VIRMA: variants seen among roughly 807,000 people sequenced by gnomAD.
The protein encoded by VIRMA is vir like m6A methyltransferase associated.
A neutral mutation model predicts 182.4 loss-of-function variants in VIRMA; 65 were observed. The observed-to-expected ratio is 0.36, with a 90% confidence interval of 0.29 to 0.44. The LOEUF (loss-of-function observed/expected upper bound fraction) is 0.44. Ranked by LOEUF, VIRMA falls within the 20% of genes least tolerant of loss-of-function variation. The pLI is 1.00. For missense variants in VIRMA, 1,752 were observed against 2,158.1 expected (o/e 0.81, Z 3.73); for synonymous variants, 709 against 743.1 (o/e 0.95, Z 0.75).
At chr8:94,534,807 T>C (rs751343896) in intron 5 of VIRMA, 32 bp downstream of exon 5, 5 of 1,609,082 alleles carry the variant, frequency 3.1e-6, no homozygotes, top group Non-Finnish European at 4.2e-6. Context: ...GGATATAAGT[T>C]TCACTTGCAA....
chr8:94,511,907 T>C (rs1192578906), intron 12 of VIRMA, 89 bp downstream of exon 12: 1 of 722,234 alleles, frequency 1.4e-6, no homozygotes, highest in South Asian at 4.2e-5. Context: ...ATTAAATAAA[T>C]GATGTTTAAT....
chr8:94,505,550 C>T (rs1175173644), intron 16 of VIRMA, among the ~76,000 whole-genome samples: 1 of 139,756 alleles, frequency 7.2e-6, no homozygotes, highest in Non-Finnish European at 1.6e-5. Context: ...ACTGCAGCGG[C>T]ATGATCACTG....
At chr8:94,493,140 C>A (rs1344664141) in intron 20 of VIRMA, among the ~76,000 whole-genome samples, 1 of 151,876 alleles carries the variant, frequency 6.6e-6, no homozygotes, top group Non-Finnish European at 1.5e-5. Flanking sequence ...TGAACTTTTC[C>A]AAAAAAAGAA....
intron 8 of VIRMA, among the ~76,000 whole-genome samples, chr8:94,520,664 G>T (rs1814729380): frequency 6.6e-6 from 1 of 152,154 alleles, no homozygotes; most frequent in African/African-American, 2.4e-5. Flanking sequence ...AAGAGGATAT[G>T]CATAGGTTAT....
intron 12 of VIRMA, 107 bp from the exon 13 acceptor site, chr8:94,511,836 A>G: frequency 1.4e-6 from 1 of 721,594 alleles, no homozygotes; most frequent in Non-Finnish European, 1.9e-6. Flanking sequence ...TATATTTATA[A>G]TAAATGATTT....
At chr8:94,523,808 T>C (rs1814858796) in intron 8 of VIRMA, among the ~76,000 whole-genome samples, 3 of 151,624 alleles carry the variant, frequency 2.0e-5, no homozygotes, top group Admixed American at 2.0e-4. Context: ...TTTTCTTTTT[T>C]TGAGATAGCA....
chr8:94,496,434 T>C lies in VIRMA; in HGVS notation c.4277A>G (p.His1426Arg). Residue 1426 changes from histidine to arginine, a missense_variant, in exon 18 of 24, where the codon CAT becomes CGT. Transcript: ENST00000297591. ...ATTAATACTCATCGTCCGTGATGTA[T>C]GAGCTCCCTCTACTTCCATGAGACC... ...DNGLMEVEGA[H>R]TSRTMSINAA... is the part of the protein sequence containing the mutation. The C allele has an allele frequency of 6.2e-7, 1 of 1,613,142 alleles. No homozygotes were observed. The highest frequency in any genetic ancestry group is 8.5e-7 in the Non-Finnish European group (1 of 1,179,150).
intron 7 of VIRMA, among the ~76,000 whole-genome samples, 182 bp from the exon 8 acceptor site, chr8:94,527,545 A>G (rs1025356543): frequency 1.3e-5 from 2 of 152,216 alleles, no homozygotes; most frequent in African/African-American, 4.8e-5. Flanking sequence ...AGAATTATGG[A>G]CAAACTTCTT....
intron 10 of VIRMA, among the ~76,000 whole-genome samples, chr8:94,517,212 C>CT (rs1814589416): frequency 6.6e-6 from 1 of 151,844 alleles, no homozygotes; most frequent in Non-Finnish European, 1.5e-5. Flanking sequence ...ACTTTTGAGT[C>CT]TTTTTTTTGA....
chr8:94,542,083 T>C (rs75014746), intron 2 of VIRMA, among the ~76,000 whole-genome samples: 5 of 152,162 alleles, frequency 3.3e-5, no homozygotes, highest in Non-Finnish European at 7.3e-5. Flanking sequence ...GTCCCTAAGA[T>C]GACCCCAATG....
intron 15 of VIRMA, among the ~76,000 whole-genome samples, chr8:94,507,455 A>C (rs1238512529): frequency 6.6e-6 from 1 of 151,552 alleles, no homozygotes. Context: ...TTTAATATAC[A>C]TTAATACTGC....
intron 10 of VIRMA, 87 bp downstream of exon 10, chr8:94,517,701 G>A (rs932449115): frequency 3.7e-5 from 34 of 914,688 alleles, no homozygotes; most frequent in Admixed American, 1.1e-4. Flanking sequence ...GTATATTATC[G>A]AAACATGATG....
intron 10 of VIRMA, 26 bp downstream of exon 10, chr8:94,517,762 G>C: frequency 1.3e-6 from 2 of 1,518,932 alleles, no homozygotes; most frequent in South Asian, 2.4e-5. Context: ...TATTACAAAT[G>C]CTTAAAATAA....
In VIRMA at chr8:94,495,733, A is replaced by G; in HGVS notation, c.4542T>C (p.Asn1514=). 2 of 1,612,544 alleles carry G rather than the reference A, an allele frequency of 1.2e-6. No individual in the cohort carries two copies. The highest frequency in any genetic ancestry group is 2.7e-5 in the African/African-American group (2 of 74,956). ...APESLQNLFN[N]RTAYVLADVM... ...TCATAAAACATTGTGTATTTTACCTATTGTTAAACAGATTCTGAAGAGATT... is the reference window on the plus strand; with the variant it reads ...TCATAAAACATTGTGTATTTTACCTGTTGTTAAACAGATTCTGAAGAGATT... The change falls in exon 19 of 24, where the codon AAT becomes AAC. Residue 1514 remains asparagine, a splice_region_variant and synonymous_variant. Coordinates refer to ENST00000297591, the MANE Select transcript of VIRMA (RefSeq NM_015496.5).
intron 21 of VIRMA, among the ~76,000 whole-genome samples, chr8:94,492,284 CTTT>C (rs770111580): frequency 2.1e-5 from 3 of 140,296 alleles, no homozygotes; most frequent in Non-Finnish European, 3.1e-5. Context: ...TAGCATGTGT[CTTT>C]TTTTTTTTTT....
intron 16 of VIRMA, among the ~76,000 whole-genome samples, chr8:94,506,065 A>C (rs1398771700): frequency 6.6e-6 from 1 of 152,224 alleles, no homozygotes; most frequent in Non-Finnish European, 1.5e-5. Context: ...CGTTTTATAT[A>C]ATGGACTTGA....
In VIRMA at chr8:94,534,452, A is replaced by G. The variant is rs183607876; in HGVS notation, c.484+387T>C. The G allele has an allele frequency of 2.9e-4, 58 of 198,886 alleles. 2 individuals are homozygous for G. The East Asian group carries it at 4.1e-3, about 14-fold the overall frequency. 12.3% of individuals were successfully genotyped at this position (198,886 alleles called of 1,614,324 possible). On this transcript the variant is annotated intron_variant, in intron 5 of 23. Transcript: ENST00000297591. Reference sequence around the variant, plus strand: ...AATAAAATGTCACCACTTCAACATAAAAAGAAACTCTTAGACAAGAATGGG... The same window carrying G: ...AATAAAATGTCACCACTTCAACATAGAAAGAAACTCTTAGACAAGAATGGG...
chr8:94,492,204 ACGTTT>A (rs1056405743), intron 21 of VIRMA, among the ~76,000 whole-genome samples: 4 of 152,146 alleles, frequency 2.6e-5, no homozygotes, highest in African/African-American at 9.7e-5. Flanking sequence ...CCAAATTATT[ACGTTT>A]AAATTTAAAA....
rs1443256578 is a variant in VIRMA, at chr8:94,510,310, T to C, written c.3626+107A>G. The stretch of plus-strand genomic sequence containing the variant: ...AGGTATATGTGTATATTTACATGTA[T>C]ATATGTTATCTGGGCATTCCAAACC... On this transcript the variant is annotated intron_variant, in intron 14 of 23. Transcript: ENST00000297591. The C allele has an allele frequency of 4.0e-6, 3 of 749,150 alleles. No individual in the cohort carries two copies. The Admixed American group carries it at 7.1e-5, about 18-fold the overall frequency. 46.4% of individuals were successfully genotyped at this position (749,150 alleles called of 1,614,324 possible).
Sources: allele counts gnomAD v4.1 joint callset (sites outside exome capture counted in the v4.1 genomes callset), GRCh38; gene constraint gnomAD v4.1.1; transcripts MANE v1.5; gene names NCBI Gene and HGNC (gene_info 2026-07-23, HGNC 2026-07-21).